The following ZNF813 variants were observed in gnomAD, a reference collection of about 807,000 sequenced individuals.
ZNF813 encodes zinc finger protein 813.
A neutral mutation model predicts 7.2 loss-of-function variants in ZNF813; 3 were observed. That is an observed-to-expected ratio of 0.42 (90% CI 0.19 to 1.08). The LOEUF (loss-of-function observed/expected upper bound fraction) is 1.08, where lower values mean the gene tolerates loss of function less well. Among genes scored for constraint, ZNF813 ranks in the 50% least tolerant of loss-of-function variants. ZNF813 has a pLI of 0.30. For synonymous variants in ZNF813, 227 were observed against 256.3 expected (o/e 0.89, Z 1.09); for missense variants, 714 against 753.3 (o/e 0.95, Z 0.61).
At chr19:53,490,310 A>T in intron 3 of ZNF813, 65 bp from the exon 4 acceptor site, 1 of 1,536,754 alleles carries the variant, frequency 6.5e-7, no homozygotes, top group Non-Finnish European at 8.8e-7. Flanking sequence ...TGTCACATTT[A>T]CACATTTCAG....
intron 1 of ZNF813, among the ~76,000 whole-genome samples, chr19:53,475,373 A>C (rs894974669): frequency 2.6e-5 from 4 of 152,264 alleles, no homozygotes; most frequent in African/African-American, 9.6e-5. Context: ...CCACCTGTGA[A>C]GTACTTGACA....
chr19:53,490,822 G>T lies in ZNF813; in HGVS notation c.590G>T (p.Arg197Leu), dbSNP rs376867653. Residue 197 changes from arginine to leucine, a missense_variant, in exon 4 of 4, where the codon CGG becomes CTG. Arg to Leu is a moderately radical substitution (Grantham distance 102, BLOSUM62 -2). This residue lies in a region of ZNF813 where 563 missense variants were observed against 554.2 expected (regional missense o/e 1.02). Transcript: ENST00000396403. ...HISNNYGNNF[R>L]NSSLLTQKQE... ...TCTAATAACTATGGGAATAATTTCC[G>T]GAATTCTTCGTTACTCACACAAAAA... 18 of 1,614,088 alleles carry T rather than the reference G, an allele frequency of 1.1e-5. No individual in the cohort carries two copies. In the East Asian group the frequency reaches 3.6e-4, roughly 32 times the overall value.
chr19:53,468,508 A>G (rs1331597191), intron 1 of ZNF813, among the ~76,000 whole-genome samples: 1 of 152,188 alleles, frequency 6.6e-6, no homozygotes, highest in Admixed American at 6.5e-5. Flanking sequence ...TTCCCTCAGT[A>G]TTTATTGATC....
Position 53,491,941 on chromosome 19 carries a change from A to ATAG in ZNF813, c.1710_1712dup (p.His570_Arg571insSer). ...CAAAAAGCACACCTTGCACGTCACC[A>ATAG]TAGACTTCATACTGGAGAGAAACCT... On this transcript the variant is annotated inframe_insertion, in exon 4 of 4. Transcript: ENST00000396403. The ATAG allele has an allele frequency of 6.2e-7, 1 of 1,611,472 alleles. No homozygotes were observed. Among genetic ancestry groups the ATAG allele is most frequent in the Non-Finnish European group, 8.5e-7 (1 of 1,178,614 alleles).
intron 1 of ZNF813, among the ~76,000 whole-genome samples, chr19:53,468,629 G>C (rs1293481957): frequency 6.6e-6 from 1 of 152,174 alleles, no homozygotes; most frequent in Non-Finnish European, 1.5e-5. Context: ...TTCAAGGAAA[G>C]GTACTGTGCC....
At position 53,491,628 on chromosome 19, in the gene ZNF813, C is replaced by T. The variant is rs200459423; in HGVS notation, c.1396C>T (p.Arg466Cys). 3.1e-6 allele frequency: 5 copies of T among 1,613,832 alleles called. No individual in the cohort carries two copies. The highest frequency in any genetic ancestry group is 3.4e-6 in the Non-Finnish European group (4 of 1,179,852). The change falls in exon 4 of 4, where the codon CGT becomes TGT. Residue 466 changes from arginine to cysteine, a missense_variant. This residue lies in a region of ZNF813 where 563 missense variants were observed against 554.2 expected (regional missense o/e 1.02). Coordinates refer to ENST00000396403, the MANE Select transcript of ZNF813 (RefSeq NM_001004301.4). ...TAAGGCTATTCATATTGGAGAGAAA[C>T]GTTACAAGTGTAATGAGTGTGGCAA... ...IHKAIHIGEK[R>C]YKCNECGKTF... is the part of the protein sequence containing the mutation.
Position 53,494,189 on chromosome 19 carries a change from G to C in ZNF813, c.*2103G>C, listed in dbSNP as rs753881422. The C allele has an allele frequency of 3.9e-5, 6 of 152,078 alleles. No individual in the cohort carries two copies. The highest frequency in any genetic ancestry group is 7.4e-5 in the Non-Finnish European group (5 of 68,010). The allele number at this position is 152,078 out of a possible 1,614,324, so 9.4% of individuals were successfully genotyped here. On this transcript the variant is annotated 3_prime_UTR_variant, in exon 4 of 4. Transcript: ENST00000396403. ...CTTGAATACAGCTTTTTAGTACAAG[G>C]GGTCTTCAAGAAGTTCATGGAAAAA...
At chr19:53,474,655 C>T (rs2086374192) in intron 1 of ZNF813, among the ~76,000 whole-genome samples, 1 of 151,954 alleles carries the variant, frequency 6.6e-6, no homozygotes, top group African/African-American at 2.4e-5. Flanking sequence ...CACCACTGCA[C>T]TCCAGCCTGG....
intron 1 of ZNF813, among the ~76,000 whole-genome samples, chr19:53,475,858 T>A (rs891123390): frequency 5.9e-5 from 9 of 152,232 alleles, no homozygotes; most frequent in South Asian, 4.1e-4. Context: ...TGTCTCATAG[T>A]CTTAAGGCTG....
chr19:53,491,584 A>C lies in ZNF813; in HGVS notation c.1352A>C (p.Asn451Thr). Reference sequence around the variant, plus strand: ...GAGTGTGTCAAGACGTTCAGTCGAAATTCAGCCCTTGTAATTCATAAGGCT... The same window carrying C: ...GAGTGTGTCAAGACGTTCAGTCGAACTTCAGCCCTTGTAATTCATAAGGCT... ...CTECVKTFSR[N>T]SALVIHKAIH... is the part of the protein sequence containing the mutation. Residue 451 changes from asparagine (N) to threonine (T), a missense_variant, in exon 4 of 4, where the codon AAT becomes ACT. By Grantham distance (65) the Asn-to-Thr change is moderately conservative (BLOSUM62 0). Coordinates refer to ENST00000396403, the MANE Select transcript of ZNF813 (RefSeq NM_001004301.4). 2 of 1,613,388 alleles carry C rather than the reference A, an allele frequency of 1.2e-6. No homozygotes were observed. The highest frequency in any genetic ancestry group is 1.7e-6 in the Non-Finnish European group (2 of 1,179,602).
At chr19:53,478,965 T>A (rs2086394663) in intron 1 of ZNF813, among the ~76,000 whole-genome samples, 1 of 151,754 alleles carries the variant, frequency 6.6e-6, no homozygotes, top group Admixed American at 6.6e-5. Flanking sequence ...GGCAGAATCT[T>A]ATGCAGTGAC....
intron 2 of ZNF813, 100 bp downstream of exon 2, chr19:53,483,937 A>G (rs373492252): frequency 6.2e-7 from 1 of 1,604,440 alleles, no homozygotes. Flanking sequence ...ATCCTGCCTG[A>G]CAGGTTTGCT....
At chr19:53,470,364 AT>A (rs372405721) in intron 1 of ZNF813, among the ~76,000 whole-genome samples, 7 of 113,618 alleles carry the variant, frequency 6.2e-5, no homozygotes, top group East Asian at 5.0e-4. Context: ...ATGAATGCAT[AT>A]TTTTTTTTTA....
At chr19:53,468,953 C>A (rs541844739) in intron 1 of ZNF813, among the ~76,000 whole-genome samples, 13 of 149,358 alleles carry the variant, frequency 8.7e-5, no homozygotes, top group Admixed American at 2.0e-4. Flanking sequence ...TCCCACGAGG[C>A]CATATCTCAG....
At chr19:53,488,872 C>T (rs1458058106) in intron 3 of ZNF813, among the ~76,000 whole-genome samples, 2 of 152,036 alleles carry the variant, frequency 1.3e-5, no homozygotes, top group Non-Finnish European at 2.9e-5. Flanking sequence ...GTTTAGAATT[C>T]TGCAGGTTGT....
intron 1 of ZNF813, among the ~76,000 whole-genome samples, chr19:53,468,136 G>A (rs994964049): frequency 6.6e-6 from 1 of 151,730 alleles, no homozygotes. Context: ...GCGCAGAACC[G>A]CGGCCCCAGT....
At chr19:53,483,894 C>A in intron 2 of ZNF813, 57 bp downstream of exon 2, 1 of 1,613,450 alleles carries the variant, frequency 6.2e-7, no homozygotes, top group South Asian at 1.1e-5. Flanking sequence ...AATGCTGGGC[C>A]TTGGAGTTGG....
At chr19:53,470,242 C>G (rs1340285512) in intron 1 of ZNF813, among the ~76,000 whole-genome samples, 1 of 152,164 alleles carries the variant, frequency 6.6e-6, no homozygotes, top group South Asian at 2.1e-4. Context: ...TTGGCTTCGA[C>G]TTCGCAAACA....
At chr19:53,484,350 G>A (rs535214566) in intron 2 of ZNF813, among the ~76,000 whole-genome samples, 1 of 152,228 alleles carries the variant, frequency 6.6e-6, no homozygotes, top group South Asian at 2.1e-4. Context: ...AATTAGAATG[G>A]AAAGTTCATA....
Sources: allele counts gnomAD v4.1 joint callset (sites outside exome capture counted in the v4.1 genomes callset), GRCh38; gene constraint gnomAD v4.1.1; regional missense constraint gnomAD v4.1.1; transcripts MANE v1.5; gene names NCBI Gene and HGNC (gene_info 2026-07-23, HGNC 2026-07-21).